The following WWC2 variants were observed in gnomAD, a reference collection of about 807,000 sequenced individuals.
WWC2 encodes the protein protein WWC2.
In WWC2, 101 loss-of-function variants were observed where a neutral mutation model predicts 138.5. That is an observed-to-expected ratio of 0.73 (90% CI 0.62 to 0.86). The LOEUF is 0.86. Ranked by LOEUF, WWC2 falls within the 40% of genes least tolerant of loss-of-function variation. WWC2 has a pLI of 0.00. For missense variants in WWC2, 1,420 were observed against 1,419.4 expected (o/e 1.00, Z -0.01); for synonymous variants, 558 against 538.4 (o/e 1.04, Z -0.50).
At chr4:183,245,066 A>C (rs1296409200) in intron 5 of WWC2, among the ~76,000 whole-genome samples, 19 of 152,062 alleles carry the variant, frequency 1.2e-4, no homozygotes, top group Non-Finnish European at 1.5e-5. Flanking sequence ...GTCTTTACCA[A>C]AAATACAAAA....
At position 183,284,086 on chromosome 4, in the gene WWC2, G is replaced by A. The variant is rs1034579355; in HGVS notation, c.2884-140G>A. The A allele has an allele frequency of 8.5e-6, 8 of 942,808 alleles. No individual in the cohort carries two copies. In the East Asian group the frequency reaches 2.1e-4, roughly 25 times the overall value. 58.4% of individuals were successfully genotyped at this position (942,808 alleles called of 1,614,324 possible). On this transcript the variant is annotated intron_variant, in intron 18 of 22. Transcript: ENST00000403733. ...CTTCAGAAGTACTATAGTCTGTAAT[G>A]CAAAGCCTTTCTCTTAGGAGTGGCC...
At chr4:183,250,649 C>T (rs1275085363) in intron 8 of WWC2, among the ~76,000 whole-genome samples, 1 of 152,034 alleles carries the variant, frequency 6.6e-6, no homozygotes, top group African/African-American at 2.4e-5. Context: ...TAGATAGACT[C>T]AAATACTTTT....
At chr4:183,228,646 A>G (rs1736144008) in intron 4 of WWC2, among the ~76,000 whole-genome samples, 1 of 152,132 alleles carries the variant, frequency 6.6e-6, no homozygotes. Flanking sequence ...CACCTTTCAG[A>G]AAAGCTAAAA....
chr4:183,151,988 T>C (rs1172843992), intron 1 of WWC2, among the ~76,000 whole-genome samples: 1 of 152,184 alleles, frequency 6.6e-6, no homozygotes, highest in Non-Finnish European at 1.5e-5. Flanking sequence ...AGCCTCCATA[T>C]ACATTGGAAT....
intron 1 of WWC2, among the ~76,000 whole-genome samples, chr4:183,103,094 A>G (rs941535987): frequency 6.6e-6 from 1 of 152,038 alleles, no homozygotes; most frequent in Non-Finnish European, 1.5e-5. Context: ...ATTTCACACC[A>G]TGCAAAGTGA....
intron 9 of WWC2, among the ~76,000 whole-genome samples, chr4:183,258,412 T>C (rs1326603989): frequency 6.6e-6 from 1 of 152,214 alleles, no homozygotes. Context: ...TGGAATAGTG[T>C]TGTTGACACA....
chr4:183,120,989 G>A (rs892410513), intron 1 of WWC2, among the ~76,000 whole-genome samples: 23 of 152,252 alleles, frequency 1.5e-4, no homozygotes, highest in Middle Eastern at 3.4e-3. Context: ...TTGGGAGGCC[G>A]GCAGATCACT....
intron 2 of WWC2, among the ~76,000 whole-genome samples, chr4:183,207,546 C>A (rs999157595): frequency 2.6e-5 from 4 of 152,106 alleles, no homozygotes; most frequent in African/African-American, 9.7e-5. Context: ...GCAGAGTAGA[C>A]CAACTTTGAT....
chr4:183,190,032 G>A (rs1275073958), intron 1 of WWC2, among the ~76,000 whole-genome samples: 1 of 152,178 alleles, frequency 6.6e-6, no homozygotes, highest in Non-Finnish European at 1.5e-5. Context: ...CGTTGGCAAA[G>A]TGCTGCAGTA....
intron 5 of WWC2, among the ~76,000 whole-genome samples, chr4:183,244,556 A>T (rs185702616): frequency 6.6e-6 from 1 of 151,862 alleles, no homozygotes; most frequent in Non-Finnish European, 1.5e-5. Flanking sequence ...CTTTCATAAA[A>T]GCAGAATAAA....
At chr4:183,156,833 C>T (rs768195637) in intron 1 of WWC2, among the ~76,000 whole-genome samples, 24 of 152,264 alleles carry the variant, frequency 1.6e-4, no homozygotes, top group African/African-American at 5.5e-4. Context: ...ACCCTTTACC[C>T]AGATTCCTCA....
Position 183,185,237 on chromosome 4 carries a change from A to G in WWC2, c.132-8362A>G. ...TGCACGCATAGGTTTCAGAACCGCTACTGTAAACCAACATTCTCAGATTGA... is the reference window on the plus strand; with the variant it reads ...TGCACGCATAGGTTTCAGAACCGCTGCTGTAAACCAACATTCTCAGATTGA... On this transcript the variant is annotated intron_variant, in intron 1 of 22. Transcript: ENST00000403733. Among the ~76,000 whole-genome samples the G allele has an allele frequency of 2.0e-5, 3 of 152,184 alleles. 1 individual carries two copies. Among genetic ancestry groups the G allele is most frequent in the Non-Finnish European group, 4.4e-5 (3 of 68,026 alleles).
At chr4:183,270,959 G>T in intron 15 of WWC2, 121 bp from the exon 16 acceptor site, 1 of 940,002 alleles carries the variant, frequency 1.1e-6, no homozygotes, top group Non-Finnish European at 1.4e-6. Context: ...GGAGAATTGT[G>T]TTTTTTTTAC....
At position 183,250,450 on chromosome 4, in the gene WWC2, A is replaced by G. The variant is rs113208308; in HGVS notation, c.953+457A>G. On this transcript the variant is annotated intron_variant, in intron 8 of 22. Transcript: ENST00000403733. ...ACTGCTAATGTCCTTGAAGGTGCTG[A>G]GGTGGCAGTTCCAGTCGACTTAGGT... 7.1e-3 allele frequency among the ~76,000 whole-genome samples: 1,087 copies of G among 152,224 alleles called. 23 individuals carry two copies. The highest frequency in any genetic ancestry group is 0.025 in the African/African-American group (1,049 of 41,536).
intron 8 of WWC2, among the ~76,000 whole-genome samples, chr4:183,251,052 T>C (rs1736964274): frequency 6.6e-6 from 1 of 152,238 alleles, no homozygotes; most frequent in African/African-American, 2.4e-5. Context: ...TTATTAACCA[T>C]GTGAGCTTGA....
rs142639718 is a variant in WWC2, at chr4:183,160,967, A to G, written c.132-32632A>G. On this transcript the variant is annotated intron_variant, in intron 1 of 22. Coordinates refer to ENST00000403733, the MANE Select transcript of WWC2 (RefSeq NM_024949.6). ...TAAGGAGTTAAAGATAGAGCAACTT[A>G]TTAGGAGACAACACAAAAGGTAACT... is the stretch of plus-strand genomic sequence containing the variant. Among the ~76,000 whole-genome samples the G allele has an allele frequency of 6.4e-4, 97 of 152,304 alleles. No homozygotes were observed. In the East Asian group the frequency reaches 0.014, roughly 23 times the overall value.
chr4:183,119,365 A>G (rs576774490), intron 1 of WWC2, among the ~76,000 whole-genome samples: 2 of 152,324 alleles, frequency 1.3e-5, no homozygotes, highest in African/African-American at 4.8e-5. Flanking sequence ...CCCACTGAGA[A>G]TATAGGACGA....
intron 4 of WWC2, among the ~76,000 whole-genome samples, chr4:183,231,207 C>A (rs1343863714): frequency 6.8e-6 from 1 of 147,770 alleles, no homozygotes; most frequent in Admixed American, 6.8e-5. Flanking sequence ...AAATTATTCA[C>A]TGTACTAACA....
chr4:183,141,448 A>T (rs1733296619), intron 1 of WWC2, among the ~76,000 whole-genome samples: 1 of 152,146 alleles, frequency 6.6e-6, no homozygotes, highest in Non-Finnish European at 1.5e-5. Flanking sequence ...ATATATTCAC[A>T]TTGGGAATTA....
Sources: gnomAD v4.1 joint callset for allele counts (sites outside exome capture counted in the v4.1 genomes callset) on GRCh38, gnomAD v4.1.1 for gene constraint, MANE v1.5 for transcripts, NCBI Gene and HGNC (gene_info 2026-07-23, HGNC 2026-07-21) for gene names.